Variants in RFX3 observed in about 807,000 individuals in gnomAD.
The protein encoded by RFX3 is regulatory factor X3, also known as transcription factor RFX3.
RFX3 carries 14 observed loss-of-function variants against 98.6 expected under a neutral mutation model. That is an observed-to-expected ratio of 0.14 (90% CI 0.09 to 0.22). The LOEUF (loss-of-function observed/expected upper bound fraction) is 0.22, where lower values mean the gene tolerates loss of function less well. RFX3 is among the 10% of genes least tolerant of loss of function. The pLI, the probability that RFX3 is intolerant of heterozygous loss-of-function variation, is 1.00. For missense variants in RFX3, 639 were observed against 926.9 expected, an observed-to-expected ratio of 0.69 and a Z score of 4.03; for synonymous variants, 383 against 328.4, an observed-to-expected ratio of 1.17 and a Z score of -1.80.
chr9:3,239,804 G>A (rs1819677704), intron 15 of RFX3, among the ~76,000 whole-genome samples: 2 of 152,204 alleles, frequency 1.3e-5, no homozygotes, highest in South Asian at 4.1e-4. Flanking sequence ...CACAGAGCCA[G>A]CTGGATGTGA....
At chr9:3,370,544 C>A (rs111904719) in intron 2 of RFX3, among the ~76,000 whole-genome samples, 1 of 151,316 alleles carries the variant, frequency 6.6e-6, no homozygotes, top group Non-Finnish European at 1.5e-5. Flanking sequence ...TTTCTGGGAT[C>A]GAGGGATGGG....
At chr9:3,466,963 A>G (rs367840122) in intron 1 of RFX3, among the ~76,000 whole-genome samples, 3 of 149,524 alleles carry the variant, frequency 2.0e-5, no homozygotes, top group Non-Finnish European at 4.4e-5. Flanking sequence ...ATAAAGCCCA[A>G]TAAGAGTTTA....
intron 1 of RFX3, among the ~76,000 whole-genome samples, chr9:3,461,079 T>G (rs566922095): frequency 6.9e-4 from 104 of 150,638 alleles, no homozygotes; most frequent in African/African-American, 2.5e-3. Context: ...TCATTAATAT[T>G]TATTTAAAAT....
intron 1 of RFX3, among the ~76,000 whole-genome samples, chr9:3,489,189 A>G (rs1207406583): frequency 2.6e-5 from 4 of 152,208 alleles, no homozygotes; most frequent in Non-Finnish European, 5.9e-5. Context: ...GCAATGTTTG[A>G]TCATCCTCAA....
chr9:3,497,723 C>T (rs890351100), intron 1 of RFX3, among the ~76,000 whole-genome samples: 2 of 151,900 alleles, frequency 1.3e-5, no homozygotes, highest in African/African-American at 2.4e-5. Context: ...AAAAAAATTG[C>T]TTACACTATA....
intron 4 of RFX3, among the ~76,000 whole-genome samples, chr9:3,320,586 A>C (rs1382520785): frequency 6.6e-6 from 1 of 151,022 alleles, no homozygotes; most frequent in African/African-American, 2.4e-5. Context: ...AAAAAACTTT[A>C]GGATATCTTA....
At chr9:3,405,982 T>C (rs967978483) in intron 1 of RFX3, among the ~76,000 whole-genome samples, 1 of 151,964 alleles carries the variant, frequency 6.6e-6, no homozygotes, top group African/African-American at 2.4e-5. Context: ...TGAGACAAGG[T>C]CTCACTCTGT....
rs546640640 is a variant in RFX3 at position 3,483,286 on chromosome 9, G to C, written c.-9+42461C>G. Among the ~76,000 whole-genome samples the C allele has an allele frequency of 9.3e-4, 141 of 152,246 alleles. 1 individual carries two copies. In the South Asian group the frequency reaches 0.028, roughly 30 times the overall value. ...GTGATTCTAATGCCATTTTGGCCCAGAGATGCCAAATATGCTGCAACATGG... is the reference window on the plus strand; with the variant it reads ...GTGATTCTAATGCCATTTTGGCCCACAGATGCCAAATATGCTGCAACATGG... On this transcript the variant is annotated intron_variant, in intron 1 of 16. Coordinates refer to ENST00000617270, the MANE Select transcript of RFX3 (RefSeq NM_001282116.2).
Position 3,486,543 on chromosome 9 carries a change from T to A in RFX3, c.-9+39204A>T, listed in dbSNP as rs532587315. On this transcript the variant is annotated intron_variant, in intron 1 of 16. Coordinates refer to ENST00000617270, the MANE Select transcript of RFX3 (RefSeq NM_001282116.2). ...CCTTTTCAGTGTCTCTCCAACTGCT[T>A]TATGTCCAGAATAAGCTATGGACAA... is the stretch of plus-strand genomic sequence containing the variant. Among the ~76,000 whole-genome samples the A allele has an allele frequency of 9.3e-4, 142 of 152,282 alleles. 1 individual carries two copies. The South Asian group carries it at 0.028, about 30-fold the overall frequency.
intron 4 of RFX3, among the ~76,000 whole-genome samples, chr9:3,326,545 C>T (rs1303248292): frequency 6.6e-6 from 1 of 152,122 alleles, no homozygotes; most frequent in Non-Finnish European, 1.5e-5. Flanking sequence ...TCCATGTATT[C>T]TCATCATTTA....
At chr9:3,318,345 G>A (rs1032082552) in intron 4 of RFX3, among the ~76,000 whole-genome samples, 1 of 152,044 alleles carries the variant, frequency 6.6e-6, no homozygotes, top group African/African-American at 2.4e-5. Flanking sequence ...ACACAGGAAG[G>A]GGAACATCAC....
intron 2 of RFX3, among the ~76,000 whole-genome samples, chr9:3,366,714 CT>C (rs1055058814): frequency 6.3e-5 from 6 of 94,628 alleles, no homozygotes; most frequent in East Asian, 3.3e-4. Flanking sequence ...TTCTTTCTTT[CT>C]TTCTTTCTTT....
chr9:3,257,376 T>C (rs1822274291), intron 13 of RFX3, among the ~76,000 whole-genome samples, 177 bp from the exon 14 acceptor site: 1 of 152,040 alleles, frequency 6.6e-6, no homozygotes, highest in African/African-American at 2.4e-5. Context: ...TCTTTATCAG[T>C]TTTAAGGGAT....
chr9:3,256,866 G>A, intron 14 of RFX3, 125 bp downstream of exon 14: 2 of 825,056 alleles, frequency 2.4e-6, no homozygotes, highest in Non-Finnish European at 3.9e-6. Context: ...GTTGTAACAG[G>A]GAGTTTCCAC....
At chr9:3,267,472 A>G (rs1170422848) in intron 11 of RFX3, among the ~76,000 whole-genome samples, 4 of 151,930 alleles carry the variant, frequency 2.6e-5, no homozygotes, top group Non-Finnish European at 5.9e-5. Flanking sequence ...AATTTCACTT[A>G]CTCAAGTTAT....
Position 3,525,924 on chromosome 9 carries a change from AAAAG to A in RFX3, c.-190_-187del. The A allele has an allele frequency of 2.0e-6, 2 of 978,210 alleles. No homozygotes were observed. Among genetic ancestry groups the A allele is most frequent in the Non-Finnish European group, 2.4e-6 (2 of 824,398 alleles). 60.6% of individuals were successfully genotyped at this position (978,210 alleles called of 1,614,324 possible). ...CAAGGCAACGGTTGCTATAACTCAC[AAAAG>A]AGAGAGAGAGAGGGAGAGAGAGAGA... On this transcript the variant is annotated 5_prime_UTR_variant, in exon 1 of 17. Coordinates refer to ENST00000617270, the MANE Select transcript of RFX3 (RefSeq NM_001282116.2).
At chr9:3,325,702 C>T (rs1295733394) in intron 4 of RFX3, among the ~76,000 whole-genome samples, 1 of 151,848 alleles carries the variant, frequency 6.6e-6, no homozygotes, top group African/African-American at 2.4e-5. Context: ...TTATTGCATA[C>T]TCTGGTATAA....
chr9:3,416,692 C>T (rs553556446), intron 1 of RFX3, among the ~76,000 whole-genome samples: 9 of 152,068 alleles, frequency 5.9e-5, no homozygotes, highest in African/African-American at 1.9e-4. Flanking sequence ...AAGCAGCATA[C>T]GTTAAACCAT....
chr9:3,475,653 T>C (rs1023813482), intron 1 of RFX3, among the ~76,000 whole-genome samples: 2 of 152,224 alleles, frequency 1.3e-5, no homozygotes, highest in African/African-American at 4.8e-5. Flanking sequence ...TTTAGTACTT[T>C]CACTAATTTT....
Sources: gnomAD v4.1 joint callset for allele counts (sites outside exome capture counted in the v4.1 genomes callset) on GRCh38, gnomAD v4.1.1 for gene constraint, MANE v1.5 for transcripts, NCBI Gene and HGNC (gene_info 2026-07-23, HGNC 2026-07-21) for gene names.